Variants in KAT14 observed in about 807,000 individuals in gnomAD.
KAT14 encodes cysteine-rich protein 2-binding protein.
KAT14 carries 66 observed loss-of-function variants against 78.4 expected under a neutral mutation model. That is an observed-to-expected ratio of 0.84 (90% CI 0.69 to 1.03). The LOEUF (loss-of-function observed/expected upper bound fraction) is 1.03. Ranked by LOEUF, KAT14 falls within the 50% of genes least tolerant of loss-of-function variation. The probability of loss-of-function intolerance (pLI) is 0.00; values close to 1 mark genes in which losing one functional copy is unlikely to be tolerated. For synonymous variants in KAT14, 344 were observed against 359.4 expected (o/e 0.96, Z 0.48); for missense variants, 870 against 972.5 (o/e 0.89, Z 1.40).
At position 18,142,813 on chromosome 20, in the gene KAT14, G is replaced by T; in HGVS notation, c.153G>T (p.Ser51=). Residue 51 remains serine (S), a synonymous_variant, in exon 2 of 11, where the codon TCG becomes TCT. Transcript: ENST00000688188. The part of the protein sequence containing the change: ...ESEDQASVDL[S]HDQSGDSLNS... ...AGGATCAGGCATCAGTGGACTTATCGCACGACCAGAGTGGGGATTCCCTCA... is the reference window on the plus strand; with the variant it reads ...AGGATCAGGCATCAGTGGACTTATCTCACGACCAGAGTGGGGATTCCCTCA... 1 of 1,614,162 alleles carries T rather than the reference G, an allele frequency of 6.2e-7. No homozygotes were observed. The highest frequency in any genetic ancestry group is 8.5e-7 in the Non-Finnish European group (1 of 1,180,036).
upstream of KAT14, chr20:18,137,749 T>A: frequency 2.1e-6 from 1 of 480,974 alleles, no homozygotes; most frequent in East Asian, 3.6e-5. Flanking sequence ...AGGCCCCTAG[T>A]GAAGCCAAGA....
Position 18,170,595 on chromosome 20 carries a change from C to T in KAT14, c.1668+7650C>T, listed in dbSNP as rs543944838. Reference sequence around the variant, plus strand: ...TGTCGCCCAGGCTGGAGTGCAGTGGCGCAATCTCGGCTCACTGCAAGCTCC... The same window carrying T: ...TGTCGCCCAGGCTGGAGTGCAGTGGTGCAATCTCGGCTCACTGCAAGCTCC... On this transcript the variant is annotated intron_variant, in intron 7 of 10. Transcript: ENST00000688188. Among the ~76,000 whole-genome samples the T allele has an allele frequency of 1.4e-3, 213 of 152,276 alleles. 1 individual carries two copies. The highest frequency in any genetic ancestry group is 4.8e-3 in the African/African-American group (200 of 41,560).
chr20:18,162,907 A>T lies in KAT14; in HGVS notation c.1630A>T (p.Thr544Ser), dbSNP rs200183010. The T allele has an allele frequency of 4.0e-4, 643 of 1,614,052 alleles. 2 individuals are homozygous for T. Among genetic ancestry groups the T allele is most frequent in the Non-Finnish European group, 4.4e-4 (519 of 1,180,028 alleles). Residue 544 changes from threonine (T) to serine (S), a missense_variant, in exon 7 of 11, where the codon ACC becomes TCC. Transcript: ENST00000688188. ...TCCAGCTGGACAAGCCACGTACAGA[A>T]CCACCTGTCAGGACTTCAGAATCCT... ...RLPAGQATYR[T>S]TCQDFRILDR... is the part of the protein sequence containing the mutation.
At chr20:18,158,029 T>C (rs1003344471) in intron 4 of KAT14, among the ~76,000 whole-genome samples, 4 of 152,096 alleles carry the variant, frequency 2.6e-5, no homozygotes, top group Non-Finnish European at 4.4e-5. Flanking sequence ...CCTCCGCCTC[T>C]CGGGTTCAAA....
chr20:18,181,940 A>T, intron 8 of KAT14, 94 bp downstream of exon 8: 5 of 1,528,980 alleles, frequency 3.3e-6, no homozygotes, highest in Non-Finnish European at 4.4e-6. Context: ...GAGAATAAAG[A>T]TCACAAACTG....
chr20:18,140,851 CA>C (rs371306768), intron 1 of KAT14, among the ~76,000 whole-genome samples: 28 of 126,612 alleles, frequency 2.2e-4, no homozygotes, highest in African/African-American at 7.7e-4. Flanking sequence ...TAAAACAAAA[CA>C]AAAAAAACCC....
rs913731477 is a variant in KAT14 at position 18,142,598 on chromosome 20, G to T, written c.-63G>T. ...GTGATCCTGGTAGAAGCCCCATTAG[G>T]GTCACTGTCCAGTGCTTAGGGTTGT... On this transcript the variant is annotated 5_prime_UTR_variant, in exon 2 of 11. Transcript: ENST00000688188. 3.1e-6 allele frequency: 5 copies of T among 1,597,734 alleles called. No individual in the cohort carries two copies. The African/African-American group carries it at 6.7e-5, about 21-fold the overall frequency.
At chr20:18,183,559 T>C (rs1223251288) in intron 9 of KAT14, 1 of 984,088 alleles carries the variant, frequency 1.0e-6, no homozygotes, top group African/African-American at 1.7e-5. Flanking sequence ...CCTGTTTTGC[T>C]TCTGCATATG....
At position 18,184,630 on chromosome 20, in the gene KAT14, C is replaced by A. The variant is rs143172468; in HGVS notation, c.2010C>A (p.Tyr670Ter). ...PGIDLSECLQ[Y>*]PDFSVVVLYK... ...TTGACCTGTCTGAGTGTCTGCAGTA[C>A]CCAGACTTCAGTGTTGTTGTTCTTT... Residue 670 changes from tyrosine (Y) to a stop codon, truncating the protein, a stop_gained, in exon 10 of 11, where the codon TAC (tyrosine) becomes TAA (stop). Coordinates refer to ENST00000688188, the MANE Select transcript of KAT14 (RefSeq NM_001392073.1). LOFTEE classifies it high-confidence loss of function. The A allele has an allele frequency of 6.2e-6, 10 of 1,613,220 alleles. No individual in the cohort carries two copies. The Admixed American group carries it at 1.7e-4, about 27-fold the overall frequency.
intron 4 of KAT14, among the ~76,000 whole-genome samples, chr20:18,157,881 A>G (rs1425752782): frequency 6.6e-6 from 1 of 152,224 alleles, no homozygotes; most frequent in African/African-American, 2.4e-5. Flanking sequence ...GAAAAAGATA[A>G]GAATGTAGGA....
At chr20:18,183,883 G>A (rs532906042) in intron 9 of KAT14, among the ~76,000 whole-genome samples, 22 of 152,236 alleles carry the variant, frequency 1.4e-4, no homozygotes, top group African/African-American at 5.1e-4. Context: ...GCTTTCCCAC[G>A]CTGCCTTGAA....
rs1385587174 is a variant in KAT14, at chr20:18,162,718, G to GT, written c.1443dup (p.Ala482CysfsTer22). ...GAGGCTGGAAGCTTGTCCCGGTGCTGTTGCCATGACTCCGGAAGCTCGGAG... is the reference window on the plus strand; with the variant it reads ...GAGGCTGGAAGCTTGTCCCGGTGCTGTTTGCCATGACTCCGGAAGCTCGGAG... On this transcript the variant is annotated frameshift_variant, in exon 7 of 11. Transcript: ENST00000688188. LOFTEE classifies it high-confidence loss of function. 6.2e-7 allele frequency: 1 copy of GT among 1,614,244 alleles called. No homozygotes were observed. The highest frequency in any genetic ancestry group is 1.1e-5 in the South Asian group (1 of 91,088).
intron 2 of KAT14, 138 bp from the exon 3 acceptor site, chr20:18,145,095 C>A: frequency 7.1e-7 from 1 of 1,417,634 alleles, no homozygotes; most frequent in South Asian, 1.7e-5. Context: ...CCTTCCTTTT[C>A]CCCATTTTGC....
chr20:18,169,987 G>A lies in KAT14; in HGVS notation c.1668+7042G>A, dbSNP rs562311251. Among the ~76,000 whole-genome samples the A allele has an allele frequency of 9.1e-4, 139 of 152,328 alleles. 1 individual carries two copies. The highest frequency in any genetic ancestry group is 3.3e-3 in the African/African-American group (136 of 41,580). ...CCCTTAAGCCAAAGCCTAATCCAGA[G>A]TAAGGCCTTAACTCTTGAATTCTGT... On this transcript the variant is annotated intron_variant, in intron 7 of 10. Coordinates refer to ENST00000688188, the MANE Select transcript of KAT14 (RefSeq NM_001392073.1).
chr20:18,142,314 A>G lies in KAT14; in HGVS notation c.-347A>G. 1.3e-6 allele frequency: 2 copies of G among 1,537,070 alleles called. No homozygotes were observed. Among genetic ancestry groups the G allele is most frequent in the South Asian group, 2.4e-5 (2 of 83,992 alleles). The stretch of plus-strand genomic sequence containing the variant: ...ATTTTGACTGAGCAACTTGAAGCAG[A>G]AAGAGAGAAGATGTTATTGGCAAAA... On this transcript the variant is annotated 5_prime_UTR_variant, in exon 2 of 11. Coordinates refer to ENST00000688188, the MANE Select transcript of KAT14 (RefSeq NM_001392073.1).
In KAT14 at chr20:18,187,551, T is replaced by C. The variant is rs940073562; in HGVS notation, c.*92T>C. The C allele has an allele frequency of 1.7e-5, 26 of 1,562,224 alleles. No homozygotes were observed. The highest frequency in any genetic ancestry group is 3.4e-4 in the Middle Eastern group (2 of 5,826). ...CAGTGATTGATTTCACAGGGAGCTC[T>C]AATCTCTGTGATTACATGGTCCTTC... is the stretch of plus-strand genomic sequence containing the variant. On this transcript the variant is annotated 3_prime_UTR_variant, in exon 11 of 11. Coordinates refer to ENST00000688188, the MANE Select transcript of KAT14 (RefSeq NM_001392073.1).
At chr20:18,154,875 C>T (rs1454615464) in intron 4 of KAT14, among the ~76,000 whole-genome samples, 1 of 152,174 alleles carries the variant, frequency 6.6e-6, no homozygotes, top group Non-Finnish European at 1.5e-5. Context: ...AGCTATTCTT[C>T]ACTAATCAAA....
chr20:18,173,625 CT>C (rs11475865), intron 7 of KAT14, among the ~76,000 whole-genome samples: 71,900 of 139,800 alleles, frequency 0.51, 17,757 homozygotes, highest in Non-Finnish European at 0.56. Context: ...ACCATTACTT[CT>C]TTTTTTTTTT....
intron 3 of KAT14, among the ~76,000 whole-genome samples, chr20:18,147,380 A>G (rs997890340): frequency 1.3e-5 from 2 of 152,204 alleles, no homozygotes; most frequent in Admixed American, 6.5e-5. Context: ...TTATTGTGAT[A>G]TGTGCACACA....
Sources: allele counts gnomAD v4.1 joint callset (sites outside exome capture counted in the v4.1 genomes callset), GRCh38; gene constraint gnomAD v4.1.1; transcripts MANE v1.5; gene names NCBI Gene and HGNC (gene_info 2026-07-23, HGNC 2026-07-21).